Variants in MYRFL observed in about 807,000 individuals in gnomAD.
MYRFL encodes the protein myelin regulatory factor-like protein.
In MYRFL, 88 loss-of-function variants were observed where a neutral mutation model predicts 109.4. That is an observed-to-expected ratio of 0.80 (90% CI 0.68 to 0.96). The LOEUF (loss-of-function observed/expected upper bound fraction) is 0.96. Among genes scored for constraint, MYRFL ranks in the 40% least tolerant of loss-of-function variants. The pLI, the probability that MYRFL is intolerant of heterozygous loss-of-function variation, is 0.00. For synonymous variants in MYRFL, 324 were observed against 320.9 expected (o/e 1.01, Z -0.10); for missense variants, 957 against 954.9 (o/e 1.00, Z -0.03).
chr12:69,907,500 C>A (rs1196849978), intron 11 of MYRFL, among the ~76,000 whole-genome samples: 1 of 152,050 alleles, frequency 6.6e-6, no homozygotes, highest in Non-Finnish European at 1.5e-5. Context: ...GGGGCAGGAA[C>A]AAAGGGGAAA....
chr12:69,834,237 A>C (rs1882804989), intron 1 of MYRFL, among the ~76,000 whole-genome samples: 1 of 152,236 alleles, frequency 6.6e-6, no homozygotes, highest in African/African-American at 2.4e-5. Context: ...TGGTATTAAC[A>C]ATATAAGAAA....
At chr12:69,899,518 A>G (rs1954116146) in intron 10 of MYRFL, among the ~76,000 whole-genome samples, 1 of 152,218 alleles carries the variant, frequency 6.6e-6, no homozygotes, top group Non-Finnish European at 1.5e-5. Flanking sequence ...GGAATGAAGA[A>G]TGGGAAGAAA....
chr12:69,945,799 A>G (rs1955815571), intron 19 of MYRFL, among the ~76,000 whole-genome samples: 3 of 150,860 alleles, frequency 2.0e-5, no homozygotes, highest in Admixed American at 2.0e-4. Context: ...CATCCTGGCT[A>G]AAACGGTGAA....
At chr12:69,892,260 A>G (rs1243988080) in intron 7 of MYRFL, among the ~76,000 whole-genome samples, 1 of 152,156 alleles carries the variant, frequency 6.6e-6, no homozygotes, top group Non-Finnish European at 1.5e-5. Flanking sequence ...AAGGTTACAC[A>G]ATTCATCCAA....
chr12:69,854,475 C>A (rs1046787428), intron 1 of MYRFL, among the ~76,000 whole-genome samples: 1 of 151,200 alleles, frequency 6.6e-6, no homozygotes, highest in Admixed American at 6.6e-5. Context: ...CCTTTGCCTC[C>A]TGGGTTCAAG....
chr12:69,840,909 G>A (rs1883208323), intron 1 of MYRFL, among the ~76,000 whole-genome samples: 1 of 152,188 alleles, frequency 6.6e-6, no homozygotes, highest in Non-Finnish European at 1.5e-5. Context: ...TACTCAAGTT[G>A]AATAAAGGTT....
intron 1 of MYRFL, among the ~76,000 whole-genome samples, chr12:69,852,460 A>C (rs1921075): frequency 6.6e-6 from 1 of 150,808 alleles, no homozygotes; most frequent in African/African-American, 2.4e-5. Context: ...TACAGCAATT[A>C]GTTTTCATAT....
chr12:69,877,770 G>A (rs945715405), intron 2 of MYRFL, among the ~76,000 whole-genome samples: 3 of 152,184 alleles, frequency 2.0e-5, no homozygotes, highest in African/African-American at 7.2e-5. Context: ...ATCGTATTAT[G>A]TTGGACTTTT....
chr12:69,877,932 A>G (rs1885788099), intron 2 of MYRFL, among the ~76,000 whole-genome samples: 1 of 152,162 alleles, frequency 6.6e-6, no homozygotes, highest in Non-Finnish European at 1.5e-5. Context: ...TAGTGGTAGT[A>G]CACATTTTTT....
rs146273688 is a variant in MYRFL, at chr12:69,855,038, G to A, written c.47-242G>A. ...CAGGTCTAAAGAAAGTGTGAAACAA[G>A]ATATTGAATTTCTTGTTGAACTTAA... is the stretch of plus-strand genomic sequence containing the variant. On this transcript the variant is annotated intron_variant, in intron 1 of 24. Transcript: ENST00000552032. 2.6e-3 allele frequency among the ~76,000 whole-genome samples: 390 copies of A among 152,288 alleles called. 4 individuals are homozygous for A. Among genetic ancestry groups the A allele is most frequent in the African/African-American group, 8.7e-3 (360 of 41,560 alleles).
intron 19 of MYRFL, among the ~76,000 whole-genome samples, chr12:69,938,701 G>A (rs1955542355): frequency 6.6e-6 from 1 of 152,174 alleles, no homozygotes; most frequent in South Asian, 2.1e-4. Context: ...AAAGATATAG[G>A]AATAGGAACA....
intron 1 of MYRFL, among the ~76,000 whole-genome samples, chr12:69,833,828 CT>C (rs11300053): frequency 0.27 from 31,032 of 113,536 alleles, 3,532 homozygotes; most frequent in Middle Eastern, 0.42. Context: ...ATAGGGCTTG[CT>C]TTTTTTTTTT....
rs1956071613 is a variant in MYRFL, at chr12:69,955,445, C to T, written c.2450+8C>T. 1.7e-6 allele frequency: 1 copy of T among 598,960 alleles called. No homozygotes were observed. The highest frequency in any genetic ancestry group is 2.1e-5 in the South Asian group (1 of 47,520). The allele number at this position is 598,960 out of a possible 1,614,324, so 37.1% of individuals were successfully genotyped here. On this transcript the variant is annotated splice_region_variant and intron_variant, in intron 22 of 24. Transcript: ENST00000552032. ...GTTCTCTCTGGAAATAAAGTAAGTG[C>T]ATGGCTGTAAAAAACAATTTCATTT...
chr12:69,951,553 G>A (rs1008195253), intron 19 of MYRFL, among the ~76,000 whole-genome samples: 3 of 149,504 alleles, frequency 2.0e-5, no homozygotes, highest in East Asian at 2.0e-4. Flanking sequence ...TCAGCCTCCC[G>A]AGTAGCTGGG....
In MYRFL at chr12:69,886,883, C is replaced by G; in HGVS notation, c.620C>G (p.Pro207Arg). 1 of 1,535,942 alleles carries G rather than the reference C, an allele frequency of 6.5e-7. No homozygotes were observed. The highest frequency in any genetic ancestry group is 1.2e-5 in the South Asian group (1 of 84,054). Residue 207 changes from proline to arginine, a missense_variant, in exon 6 of 25, where the codon CCT (proline) becomes CGT (arginine). Coordinates refer to ENST00000552032, the MANE Select transcript of MYRFL (RefSeq NM_182530.3). ...GACAGTGAGGGACAGAACAGAATGCCTACAGACCAGTGCTCTCCTGCTCTG... is the reference window on the plus strand; with the variant it reads ...GACAGTGAGGGACAGAACAGAATGCGTACAGACCAGTGCTCTCCTGCTCTG... ...DPDSEGQNRM[P>R]TDQCSPALKW...
At position 69,897,208 on chromosome 12, in the gene MYRFL, C is replaced by G; in HGVS notation, c.1144C>G (p.Leu382Val). Residue 382 changes from leucine to valine, a missense_variant, in exon 10 of 25, where the codon CTG becomes GTG. Leu to Val is a conservative substitution (Grantham distance 32). Coordinates refer to ENST00000552032, the MANE Select transcript of MYRFL (RefSeq NM_182530.3). The stretch of plus-strand genomic sequence containing the variant: ...TGCTGCTAACCAAGACCAGTTCTAT[C>G]TGTTGTCTGCCCACATCTCTGAAAG... ...LYAANQDQFY[L>V]LSAHISERII... The G allele has an allele frequency of 6.5e-7, 1 of 1,535,812 alleles. No homozygotes were observed. Among genetic ancestry groups the G allele is most frequent in the Non-Finnish European group, 8.7e-7 (1 of 1,146,646 alleles).
chr12:69,858,163 T>C (rs1222885123), intron 2 of MYRFL, among the ~76,000 whole-genome samples: 3 of 151,902 alleles, frequency 2.0e-5, no homozygotes, highest in African/African-American at 7.2e-5. Flanking sequence ...CTTTGCTTAG[T>C]TTTTGATTAT....
At chr12:69,943,877 A>G (rs1006771907) in intron 19 of MYRFL, among the ~76,000 whole-genome samples, 2 of 152,188 alleles carry the variant, frequency 1.3e-5, no homozygotes, top group African/African-American at 4.8e-5. Context: ...GATGAAGGAC[A>G]TGAACAGACA....
chr12:69,933,001 A>G (rs988271582), intron 16 of MYRFL, among the ~76,000 whole-genome samples: 3 of 152,172 alleles, frequency 2.0e-5, no homozygotes, highest in African/African-American at 4.8e-5. Context: ...GAAATCAAGT[A>G]TAATCCACTC....
Sources: gnomAD v4.1 joint callset for allele counts (sites outside exome capture counted in the v4.1 genomes callset) on GRCh38, gnomAD v4.1.1 for gene constraint, MANE v1.5 for transcripts, NCBI Gene and HGNC (gene_info 2026-07-23, HGNC 2026-07-21) for gene names.